Variants in EFNA5 observed in about 807,000 individuals in gnomAD.
EFNA5 encodes ephrin-A5.
EFNA5 carries 5 observed loss-of-function variants against 22.9 expected under a neutral mutation model. The ratio of observed to expected loss-of-function variants is 0.22; its 90% CI spans 0.11 to 0.46. EFNA5 has a LOEUF of 0.46. EFNA5 is among the 20% of genes least tolerant of loss of function. The pLI is 0.99. For synonymous variants in EFNA5, 113 were observed against 112.2 expected, an observed-to-expected ratio of 1.01 and a Z score of -0.04; for missense variants, 237 against 293.3, an observed-to-expected ratio of 0.81 and a Z score of 1.40.
intron 1 of EFNA5, among the ~76,000 whole-genome samples, chr5:107,569,943 T>C (rs551789640): frequency 3.3e-5 from 5 of 152,080 alleles, no homozygotes; most frequent in Non-Finnish European, 5.9e-5. Context: ...CACCACTTTT[T>C]ATTTTGAATT....
At chr5:107,474,610 C>T (rs935464161) in intron 1 of EFNA5, among the ~76,000 whole-genome samples, 2 of 152,128 alleles carry the variant, frequency 1.3e-5, no homozygotes, top group Admixed American at 1.3e-4. Context: ...ATTCACCCAC[C>T]TATAGCATCC....
chr5:107,565,022 A>C (rs1374627506), intron 1 of EFNA5, among the ~76,000 whole-genome samples: 4 of 152,216 alleles, frequency 2.6e-5, no homozygotes, highest in Non-Finnish European at 5.9e-5. Flanking sequence ...GCAAACGTGA[A>C]GACCAATAAT....
intron 2 of EFNA5, 193 bp downstream of exon 2, chr5:107,427,024 G>C: frequency 1.6e-6 from 1 of 616,126 alleles, no homozygotes; most frequent in East Asian, 2.8e-5. Flanking sequence ...CATAGGGGGA[G>C]ACGCGCTCTG....
intron 1 of EFNA5, among the ~76,000 whole-genome samples, chr5:107,557,497 TG>T (rs1748448754): frequency 6.6e-6 from 1 of 152,218 alleles, no homozygotes; most frequent in Non-Finnish European, 1.5e-5. Context: ...CTGCGGTGCC[TG>T]GGGCAATGTG....
chr5:107,385,011 T>C (rs2112485511), intron 4 of EFNA5, among the ~76,000 whole-genome samples: 1 of 152,016 alleles, frequency 6.6e-6, no homozygotes, highest in Admixed American at 6.6e-5. Flanking sequence ...AGCAAGCCCT[T>C]AAAATATAGC....
At chr5:107,403,896 C>T (rs1237857313) in intron 2 of EFNA5, among the ~76,000 whole-genome samples, 1 of 152,100 alleles carries the variant, frequency 6.6e-6, no homozygotes, top group Admixed American at 6.6e-5. Context: ...TAATATGGAA[C>T]AACAATCAAG....
In EFNA5 at chr5:107,387,222, TA is replaced by T; in HGVS notation, c.565+12del. 1 of 1,579,922 alleles carries T rather than the reference TA, an allele frequency of 6.3e-7. No homozygotes were observed. The highest frequency in any genetic ancestry group is 1.2e-5 in the South Asian group (1 of 86,710). On this transcript the variant is annotated intron_variant, in intron 4 of 4. Transcript: ENST00000333274. ...GATGCATTTGTTAAAAGAGATTCTC[TA>T]AGCATACTAACCTGCTGGTTCTAAT...
At chr5:107,427,089 T>C (rs547225677) in intron 2 of EFNA5, 128 bp downstream of exon 2, 7 of 960,212 alleles carry the variant, frequency 7.3e-6, no homozygotes, top group South Asian at 1.5e-5. Context: ...GGGATCCTGA[T>C]GTACGCATTT....
At chr5:107,482,850 C>G (rs245657) in intron 1 of EFNA5, among the ~76,000 whole-genome samples, 6 of 67,002 alleles carry the variant, frequency 9.0e-5, no homozygotes, top group Non-Finnish European at 1.7e-4. Flanking sequence ...CTCTCTCTCT[C>G]TCTCTCTCTC....
chr5:107,566,339 A>AC (rs5870269), intron 1 of EFNA5, among the ~76,000 whole-genome samples: 9,716 of 152,142 alleles, frequency 0.064, 900 homozygotes, highest in African/African-American at 0.21. Context: ...TGTGGCATTC[A>AC]TGTGTCTAAT....
chr5:107,403,014 G>A (rs1011034234), intron 2 of EFNA5, among the ~76,000 whole-genome samples: 5 of 152,296 alleles, frequency 3.3e-5, no homozygotes, highest in African/African-American at 9.6e-5. Flanking sequence ...ATATGAACTT[G>A]CCAACAAATG....
At chr5:107,432,725 T>A (rs1748996584) in intron 1 of EFNA5, among the ~76,000 whole-genome samples, 1 of 152,164 alleles carries the variant, frequency 6.6e-6, no homozygotes, top group Non-Finnish European at 1.5e-5. Context: ...AGATGGTCAC[T>A]GCTCCCCAGA....
At chr5:107,525,887 AT>A (rs1747687771) in intron 1 of EFNA5, among the ~76,000 whole-genome samples, 1 of 152,180 alleles carries the variant, frequency 6.6e-6, no homozygotes, top group Non-Finnish European at 1.5e-5. Flanking sequence ...TCAAGTGTCA[AT>A]TTTACTTAAA....
At chr5:107,587,764 G>A (rs967528997) in intron 1 of EFNA5, among the ~76,000 whole-genome samples, 10 of 152,134 alleles carry the variant, frequency 6.6e-5, no homozygotes, top group East Asian at 1.9e-4. Context: ...TGATCCGCCC[G>A]CCTCGGCCTC....
At chr5:107,522,158 C>G (rs1436018629) in intron 1 of EFNA5, among the ~76,000 whole-genome samples, 4 of 152,186 alleles carry the variant, frequency 2.6e-5, no homozygotes, top group Non-Finnish European at 5.9e-5. Context: ...AAAAAGTACT[C>G]TAGTGCAGTA....
chr5:107,556,549 C>T (rs1748420193), intron 1 of EFNA5, among the ~76,000 whole-genome samples: 2 of 151,976 alleles, frequency 1.3e-5, no homozygotes. Context: ...AGTTTGAGAC[C>T]AGCCTGGACA....
At chr5:107,619,918 T>C (rs1007378668) in intron 1 of EFNA5, among the ~76,000 whole-genome samples, 2 of 152,188 alleles carry the variant, frequency 1.3e-5, no homozygotes, top group African/African-American at 4.8e-5. Flanking sequence ...TACCTCTGGC[T>C]ACAAAACTGT....
rs1313967595 is a variant in EFNA5, at chr5:107,670,384, G to GGGTGCGCGCCGCCAGCGGTT, written c.125+85_125+104dup. On this transcript the variant is annotated intron_variant, in intron 1 of 4. Transcript: ENST00000333274. The stretch of plus-strand genomic sequence containing the variant: ...AGCGCCCGGGCGACGCAGGCTCCGA[G>GGGTGCGCGCCGCCAGCGGTT]GGTGCGCGCCGCCAGCGGTTGGTGC... The GGGTGCGCGCCGCCAGCGGTT allele has an allele frequency of 1.7e-5, 23 of 1,384,440 alleles. No individual in the cohort carries two copies. In the African/African-American group the frequency reaches 2.0e-4, roughly 12 times the overall value. 85.8% of individuals were successfully genotyped at this position (1,384,440 alleles called of 1,614,324 possible). A position where few individuals can be genotyped will look rare whatever the true frequency, so the allele number is the denominator to read the frequency against.
chr5:107,600,731 A>C (rs1029351532), intron 1 of EFNA5, among the ~76,000 whole-genome samples: 1 of 151,672 alleles, frequency 6.6e-6, no homozygotes, highest in Non-Finnish European at 1.5e-5. Context: ...CAAGTGATCC[A>C]CCCGCCTGAG....
Sources: allele counts gnomAD v4.1 joint callset (sites outside exome capture counted in the v4.1 genomes callset), GRCh38; gene constraint gnomAD v4.1.1; transcripts MANE v1.5; gene names NCBI Gene and HGNC (gene_info 2026-07-23, HGNC 2026-07-21).